MINDY2: variants seen among roughly 807,000 people sequenced by gnomAD.
MINDY2 encodes MINDY lysine 48 deubiquitinase 2.
In MINDY2, 52 loss-of-function variants were observed where a neutral mutation model predicts 68.2. The ratio of observed to expected loss-of-function variants is 0.76; its 90% CI spans 0.61 to 0.96. The LOEUF (loss-of-function observed/expected upper bound fraction) is 0.96, where lower values mean the gene tolerates loss of function less well. Ranked by LOEUF, MINDY2 falls within the 40% of genes least tolerant of loss-of-function variation. The probability of loss-of-function intolerance (pLI) is 0.00; values close to 1 mark genes in which losing one functional copy is unlikely to be tolerated. For missense variants in MINDY2, 881 were observed against 773.4 expected, an observed-to-expected ratio of 1.14 and a Z score of -1.65; for synonymous variants, 372 against 303.0, an observed-to-expected ratio of 1.23 and a Z score of -2.36.
intron 1 of MINDY2, among the ~76,000 whole-genome samples, chr15:58,784,577 T>C (rs1901357639): frequency 6.6e-6 from 1 of 151,864 alleles, no homozygotes; most frequent in South Asian, 2.1e-4. Context: ...AAATAGGTCA[T>C]AGTTGATTTG....
intron 8 of MINDY2, among the ~76,000 whole-genome samples, chr15:58,853,355 C>T (rs1301013173): frequency 2.6e-5 from 4 of 152,034 alleles, no homozygotes; most frequent in African/African-American, 9.7e-5. Flanking sequence ...TAGAAGTCCC[C>T]ATTAAAATAA....
At position 58,834,618 on chromosome 15, in the gene MINDY2, T is replaced by G. The variant is rs559808785; in HGVS notation, c.1368+2702T>G. ...GCAGAGTACAATTCTCTAACCATCATCTAGCTGTTATTGGCTACATCATCT... is the reference window on the plus strand; with the variant it reads ...GCAGAGTACAATTCTCTAACCATCAGCTAGCTGTTATTGGCTACATCATCT... On this transcript the variant is annotated intron_variant, in intron 6 of 8. Transcript: ENST00000559228. Among the ~76,000 whole-genome samples the G allele has an allele frequency of 2.0e-3, 306 of 152,324 alleles. 2 individuals are homozygous for G. The highest frequency in any genetic ancestry group is 6.9e-3 in the African/African-American group (287 of 41,566).
intron 2 of MINDY2, among the ~76,000 whole-genome samples, chr15:58,788,277 G>T (rs1400710166): frequency 4.6e-5 from 7 of 152,176 alleles, no homozygotes; most frequent in African/African-American, 1.7e-4. Context: ...TGTAGAAAGT[G>T]TTCAAAAATA....
intron 3 of MINDY2, among the ~76,000 whole-genome samples, chr15:58,809,349 A>G (rs1015497495): frequency 6.6e-6 from 1 of 152,074 alleles, no homozygotes; most frequent in Non-Finnish European, 1.5e-5. Flanking sequence ...TGACTGGCTT[A>G]TTTCACTCAG....
chr15:58,841,426 A>T (rs1293922660), intron 6 of MINDY2, among the ~76,000 whole-genome samples: 2 of 143,878 alleles, frequency 1.4e-5, no homozygotes, highest in Non-Finnish European at 3.0e-5. Flanking sequence ...TTTTTTTGAG[A>T]CAGAGTTTCA....
chr15:58,860,072 T>C lies in MINDY2; in HGVS notation c.*5462T>C, dbSNP rs2033173185. 1 of 152,218 alleles carries C rather than the reference T, an allele frequency of 6.6e-6. No individual in the cohort carries two copies. Among genetic ancestry groups the C allele is most frequent in the Non-Finnish European group, 1.5e-5 (1 of 68,042 alleles). 9.4% of individuals were successfully genotyped at this position (152,218 alleles called of 1,614,324 possible). Reference sequence around the variant, plus strand: ...ACTTCTTCTTCTGCCATTAAGTCTCTCTTTATCTGATATTCTAAGGATTTC... The same window carrying C: ...ACTTCTTCTTCTGCCATTAAGTCTCCCTTTATCTGATATTCTAAGGATTTC... On this transcript the variant is annotated 3_prime_UTR_variant, in exon 9 of 9. Coordinates refer to ENST00000559228, the MANE Select transcript of MINDY2 (RefSeq NM_001040450.3).
At chr15:58,812,878 T>G (rs2030394168) in intron 4 of MINDY2, among the ~76,000 whole-genome samples, 3 of 151,962 alleles carry the variant, frequency 2.0e-5, no homozygotes, top group Admixed American at 2.0e-4. Context: ...GAGAAATAAG[T>G]AAATAAATAA....
intron 2 of MINDY2, among the ~76,000 whole-genome samples, chr15:58,790,364 A>C (rs1357060072): frequency 6.6e-6 from 1 of 152,116 alleles, no homozygotes; most frequent in Non-Finnish European, 1.5e-5. Flanking sequence ...TTTGAGGAAT[A>C]GCCAATATGA....
intron 4 of MINDY2, among the ~76,000 whole-genome samples, chr15:58,819,307 G>A (rs556649864): frequency 1.3e-5 from 2 of 152,184 alleles, no homozygotes; most frequent in East Asian, 3.9e-4. Context: ...AATTAGCTGG[G>A]TGTGGTGGCG....
chr15:58,808,608 T>A (rs1253145468), intron 3 of MINDY2, among the ~76,000 whole-genome samples: 1 of 152,166 alleles, frequency 6.6e-6, no homozygotes, highest in Non-Finnish European at 1.5e-5. Context: ...TTTTTGTTTT[T>A]GTTTTTGTTT....
At chr15:58,790,869 T>C (rs1393474183) in intron 2 of MINDY2, among the ~76,000 whole-genome samples, 1 of 151,988 alleles carries the variant, frequency 6.6e-6, no homozygotes, top group Non-Finnish European at 1.5e-5. Context: ...TGTTTTTAGA[T>C]GTTTATTTAC....
At chr15:58,803,536 G>T (rs1163264984) in intron 3 of MINDY2, among the ~76,000 whole-genome samples, 3 of 151,850 alleles carry the variant, frequency 2.0e-5, no homozygotes, top group Non-Finnish European at 4.4e-5. Context: ...GGAAATCTAG[G>T]CCAGATGCGG....
At chr15:58,788,420 G>T (rs1402057282) in intron 2 of MINDY2, among the ~76,000 whole-genome samples, 2 of 152,186 alleles carry the variant, frequency 1.3e-5, no homozygotes, top group Non-Finnish European at 2.9e-5. Flanking sequence ...CTCCTAGGAT[G>T]TAAAATATTT....
chr15:58,831,015 T>G (rs2031681023), intron 5 of MINDY2, among the ~76,000 whole-genome samples: 1 of 133,802 alleles, frequency 7.5e-6, no homozygotes, highest in African/African-American at 3.1e-5. Flanking sequence ...TGAAGATCAG[T>G]TGTGTGTGTG....
intron 6 of MINDY2, among the ~76,000 whole-genome samples, chr15:58,844,719 C>G (rs1178220876): frequency 3.3e-5 from 5 of 151,524 alleles, no homozygotes; most frequent in Non-Finnish European, 5.9e-5. Flanking sequence ...GAGTTCGAGA[C>G]CAGCCTGGCC....
intron 2 of MINDY2, among the ~76,000 whole-genome samples, chr15:58,799,306 G>A (rs139652880): frequency 0.033 from 5,038 of 152,252 alleles, 86 homozygotes; most frequent in African/African-American, 0.048. Flanking sequence ...GGTGGCTCAC[G>A]CCTGTAATCC....
At chr15:58,781,932 A>T (rs1391938628) in intron 1 of MINDY2, among the ~76,000 whole-genome samples, 1 of 152,112 alleles carries the variant, frequency 6.6e-6, no homozygotes. Context: ...AGAAATACTG[A>T]TGGCAAGTAG....
chr15:58,830,606 C>T (rs764056368), intron 5 of MINDY2, among the ~76,000 whole-genome samples: 6 of 152,136 alleles, frequency 3.9e-5, no homozygotes, highest in South Asian at 2.1e-4. Flanking sequence ...CATGCCTGAA[C>T]GAAACCTATC....
chr15:58,832,839 C>T (rs1239230223), intron 6 of MINDY2, among the ~76,000 whole-genome samples: 1 of 152,072 alleles, frequency 6.6e-6, no homozygotes, highest in Non-Finnish European at 1.5e-5. Flanking sequence ...ACTAGGATGA[C>T]ATCTAATCAT....
Sources: gnomAD v4.1 joint callset for allele counts (sites outside exome capture counted in the v4.1 genomes callset) on GRCh38, gnomAD v4.1.1 for gene constraint, MANE v1.5 for transcripts, NCBI Gene and HGNC (gene_info 2026-07-23, HGNC 2026-07-21) for gene names.